KLHL5: variants seen among roughly 807,000 people sequenced by gnomAD.
KLHL5 encodes the protein kelch like family member 5.
Under a neutral mutation model 77.7 loss-of-function variants are expected in KLHL5, and 48 were observed. The observed-to-expected ratio is 0.62, with a 90% confidence interval of 0.49 to 0.79. KLHL5 has a LOEUF of 0.79. Ranked by LOEUF, KLHL5 falls within the 30% of genes least tolerant of loss-of-function variation. KLHL5 has a pLI of 0.00. For missense variants in KLHL5, 723 were observed against 859.7 expected, an observed-to-expected ratio of 0.84 and a Z score of 1.99; for synonymous variants, 260 against 297.0, an observed-to-expected ratio of 0.88 and a Z score of 1.28.
At chr4:39,088,430 T>C (rs1338600289) in intron 5 of KLHL5, among the ~76,000 whole-genome samples, 2 of 152,164 alleles carry the variant, frequency 1.3e-5, no homozygotes, top group African/African-American at 4.8e-5. Context: ...TTCTGCATTG[T>C]AGTTTTATTT....
At chr4:39,054,734 C>T (rs1480864381) in intron 1 of KLHL5, among the ~76,000 whole-genome samples, 2 of 152,052 alleles carry the variant, frequency 1.3e-5, no homozygotes, top group African/African-American at 2.4e-5. Flanking sequence ...CGCTCTCCAC[C>T]AACTGCTTCT....
At chr4:39,087,840 ATTTGCAGTTATC>A (rs2109414730) in intron 5 of KLHL5, among the ~76,000 whole-genome samples, 1 of 152,274 alleles carries the variant, frequency 6.6e-6, no homozygotes, top group Non-Finnish European at 1.5e-5. Context: ...ATGTTCTCAT[ATTTGCAGTTATC>A]TTGAGCATAA....
At chr4:39,110,929 T>C (rs1171445660) in intron 8 of KLHL5, among the ~76,000 whole-genome samples, 1 of 152,228 alleles carries the variant, frequency 6.6e-6, no homozygotes, top group African/African-American at 2.4e-5. Flanking sequence ...GAGTCTTACA[T>C]GGCATTTAAT....
rs1209769903 is a variant in KLHL5 at position 39,081,228 on chromosome 4, A to G, written c.692A>G (p.Tyr231Cys). 6.2e-7 allele frequency: 1 copy of G among 1,609,742 alleles called. No individual in the cohort carries two copies. Among genetic ancestry groups the G allele is most frequent in the Non-Finnish European group, 8.5e-7 (1 of 1,178,512 alleles). The change falls in exon 3 of 11, where the codon TAT (tyrosine) becomes TGT (cysteine). Residue 231 changes from tyrosine (Y) to cysteine (C), a missense_variant. By Grantham distance (194) the Tyr-to-Cys change is radical. Coordinates refer to ENST00000504108, the MANE Select transcript of KLHL5 (RefSeq NM_015990.5). This position sits in a 1 kb window ranked among gnomAD's most constrained non-coding sequence, Gnocchi z 4.3. ...AATTCGTTGTGGTCCTTGATCCAGT[A>G]TGCTTATACAGGTAACGAGTCTGAA... ...EPNSLWSLIQ[Y>C]AYTGRLELKE...
Position 39,082,062 on chromosome 4 carries a change from T to C in KLHL5, c.803T>C (p.Met268Thr), listed in dbSNP as rs1222335621. 1 of 1,614,152 alleles carries C rather than the reference T, an allele frequency of 6.2e-7. No homozygotes were observed. Among genetic ancestry groups the C allele is most frequent in the East Asian group, 2.2e-5 (1 of 44,884 alleles). ...QVVEACCKFL[M>T]KQLHPSNCLG... ...GTAGAAGCATGCTGTAAGTTTTTAA[T>C]GAAACAGCTTCATCCATCCAACTGT... Residue 268 changes from methionine to threonine, a missense_variant, in exon 4 of 11, where the codon ATG becomes ACG. Around this residue, in one of 3 missense-constraint regions of KLHL5, gnomAD observed 288 missense variants for 400.3 expected, o/e 0.72. Transcript: ENST00000504108.
chr4:39,078,468 G>A (rs1389238389), intron 2 of KLHL5, among the ~76,000 whole-genome samples: 1 of 151,964 alleles, frequency 6.6e-6, no homozygotes, highest in African/African-American at 2.4e-5. Context: ...GCCGAGGTGG[G>A]TGGATCACTT....
At chr4:39,086,829 T>C (rs1036031273) in intron 5 of KLHL5, 102 bp downstream of exon 5, 1 of 830,316 alleles carries the variant, frequency 1.2e-6, no homozygotes, top group Non-Finnish European at 1.9e-6. Context: ...GAAAAGATAG[T>C]GAGCTAACAA....
intron 8 of KLHL5, among the ~76,000 whole-genome samples, 188 bp downstream of exon 8, chr4:39,107,919 G>A (rs990468574): frequency 1.3e-5 from 2 of 151,898 alleles, no homozygotes; most frequent in East Asian, 1.9e-4. Flanking sequence ...TCATTTTAAT[G>A]TGCAGATACT....
At chr4:39,047,658 T>G (rs893069708) in intron 1 of KLHL5, among the ~76,000 whole-genome samples, 1 of 152,238 alleles carries the variant, frequency 6.6e-6, no homozygotes, top group Non-Finnish European at 1.5e-5. Flanking sequence ...TTGAAGGACC[T>G]CTAGGGCACC....
At chr4:39,072,689 C>T (rs1406742153) in intron 1 of KLHL5, among the ~76,000 whole-genome samples, 13 of 152,276 alleles carry the variant, frequency 8.5e-5, no homozygotes, top group East Asian at 5.8e-4. Flanking sequence ...TGTGCTTCAT[C>T]GCTCACCAAT....
rs560074208 is a variant in KLHL5 at position 39,081,047 on chromosome 4, A to C, written c.567-56A>C. ...TAAAAAAGAAGCAGCAGCATTTATT[A>C]ATGAACATCAACTCGAATGTGGTCA... is the stretch of plus-strand genomic sequence containing the variant. On this transcript the variant is annotated intron_variant, in intron 2 of 10. Coordinates refer to ENST00000504108, the MANE Select transcript of KLHL5 (RefSeq NM_015990.5). The surrounding 1 kb of genome is among the most constrained non-coding windows in gnomAD (Gnocchi z 4.3). The C allele has an allele frequency of 6.6e-6, 10 of 1,524,514 alleles. No individual in the cohort carries two copies. The African/African-American group carries it at 9.8e-5, about 15-fold the overall frequency. The allele number at this position is 1,524,514 out of a possible 1,614,324, so 94.4% of individuals were successfully genotyped here. A position where few individuals can be genotyped will look rare whatever the true frequency, so the allele number is the denominator to read the frequency against.
At chr4:39,080,503 G>C (rs1380319780) in intron 2 of KLHL5, among the ~76,000 whole-genome samples, 1 of 150,674 alleles carries the variant, frequency 6.6e-6, no homozygotes, top group Non-Finnish European at 1.5e-5. Flanking sequence ...GCCAGCCTAG[G>C]AAACAGAATG....
At chr4:39,097,023 C>G (rs2109472684) in intron 6 of KLHL5, 145 bp downstream of exon 6, 2 of 663,902 alleles carry the variant, frequency 3.0e-6, no homozygotes, top group African/African-American at 1.8e-5. Context: ...GTAACATCCT[C>G]TAGGCCAGAA....
At position 39,124,517 on chromosome 4, in the gene KLHL5, A is replaced by G. The variant is rs527692126; in HGVS notation, c.*3451A>G. Among the ~76,000 whole-genome samples the G allele has an allele frequency of 2.0e-5, 3 of 152,266 alleles. No homozygotes were observed. In the East Asian group the frequency reaches 5.8e-4, roughly 29 times the overall value. ...GTCCAGAAACAAATTACGCCAATAC[A>G]CTATGGTCAATTGATTTTTGACAAG... On this transcript the variant is annotated 3_prime_UTR_variant, in exon 11 of 11. Coordinates refer to ENST00000504108, the MANE Select transcript of KLHL5 (RefSeq NM_015990.5).
At chr4:39,045,299 G>A (rs1389567210) in intron 1 of KLHL5, among the ~76,000 whole-genome samples, 3 of 150,278 alleles carry the variant, frequency 2.0e-5, no homozygotes, top group Non-Finnish European at 4.5e-5. Context: ...CCGCGCCCGG[G>A]GCTCGAACCC....
At chr4:39,108,064 A>G (rs1303171792) in intron 8 of KLHL5, among the ~76,000 whole-genome samples, 1 of 151,562 alleles carries the variant, frequency 6.6e-6, no homozygotes, top group Admixed American at 6.6e-5. Flanking sequence ...ATTATGTTTA[A>G]AAGTATATAT....
chr4:39,126,453 A>G (rs2566162), downstream of KLHL5, among the ~76,000 whole-genome samples: 117,550 of 152,022 alleles, frequency 0.77, 45,445 homozygotes, highest in East Asian at 0.83. Flanking sequence ...AACAACTTGC[A>G]AGCCTCTTGA....
chr4:39,137,510 G>A, the KLHL5 span, among the ~76,000 whole-genome samples: 2 of 152,076 alleles, frequency 1.3e-5, no homozygotes, highest in Non-Finnish European at 2.9e-5. Flanking sequence ...TGTAGTCCCA[G>A]CTACTTGGGA....
rs71643268 is a variant in KLHL5 at position 39,124,802 on chromosome 4, C to CAAAAAAAAAAAAAAAAAAAAAAAA, written c.*3737_*3760dup. The stretch of plus-strand genomic sequence containing the variant: ...GCACCAAAAGCACAAGCAACAACAG[C>CAAAAAAAAAAAAAAAAAAAAAAAA]AAAAAAAAAAAAAAAAAAAAAAAAT... On this transcript the variant is annotated 3_prime_UTR_variant, in exon 11 of 11. Coordinates refer to ENST00000504108, the MANE Select transcript of KLHL5 (RefSeq NM_015990.5). Among the ~76,000 whole-genome samples the CAAAAAAAAAAAAAAAAAAAAAAAA allele has an allele frequency of 3.2e-4, 14 of 44,110 alleles. No individual in the cohort carries two copies. The highest frequency in any genetic ancestry group is 7.4e-4 in the African/African-American group (10 of 13,558). 28.9% of individuals were successfully genotyped at this position (44,110 alleles called of 152,430 possible).
Sources: gnomAD v4.1 joint callset for allele counts (sites outside exome capture counted in the v4.1 genomes callset) on GRCh38, gnomAD v4.1.1 for gene constraint, gnomAD v4.1.1 regional missense constraint, Gnocchi (gnomAD v3.1) non-coding constraint, MANE v1.5 for transcripts, NCBI Gene and HGNC (gene_info 2026-07-23, HGNC 2026-07-21) for gene names.